DNAH11: variants seen among roughly 807,000 people sequenced by gnomAD.
DNAH11 encodes dynein axonemal heavy chain 11, also known as axonemal beta dynein heavy chain 11.
In DNAH11, 442 loss-of-function variants were observed where a neutral mutation model predicts 526.0. The ratio of observed to expected loss-of-function variants is 0.84; its 90% CI spans 0.78 to 0.91. DNAH11 has a LOEUF of 0.91. Ranked by LOEUF, DNAH11 falls within the 40% of genes least tolerant of loss-of-function variation. The pLI is 0.00. For missense variants in DNAH11, 6,989 were observed against 5,448.7 expected (o/e 1.28, Z -8.90); for synonymous variants, 2,461 against 1,935.9 (o/e 1.27, Z -7.12).
At chr7:21,673,416 G>A (rs1445369621) in intron 30 of DNAH11, among the ~76,000 whole-genome samples, 1 of 152,154 alleles carries the variant, frequency 6.6e-6, no homozygotes, top group Non-Finnish European at 1.5e-5. Flanking sequence ...CCCATACAAT[G>A]CCTGTCAGTC....
chr7:21,598,920 G>T (rs895821627), intron 14 of DNAH11, among the ~76,000 whole-genome samples: 3 of 144,612 alleles, frequency 2.1e-5, no homozygotes, highest in African/African-American at 7.3e-5. Context: ...ACATGATCTC[G>T]TTGTTTTTTA....
At chr7:21,593,808 C>T (rs1413106729) in intron 14 of DNAH11, among the ~76,000 whole-genome samples, 1 of 151,980 alleles carries the variant, frequency 6.6e-6, no homozygotes, top group Non-Finnish European at 1.5e-5. Flanking sequence ...TATGTGGAGT[C>T]TTCTCTATAG....
chr7:21,608,375 T>C (rs933020671), intron 20 of DNAH11, among the ~76,000 whole-genome samples: 3 of 152,226 alleles, frequency 2.0e-5, no homozygotes, highest in African/African-American at 7.2e-5. Context: ...GGGTGAAGTT[T>C]AGATTTAGGA....
chr7:21,705,168 G>C (rs1236005516), intron 38 of DNAH11, among the ~76,000 whole-genome samples: 1 of 152,202 alleles, frequency 6.6e-6, no homozygotes, highest in African/African-American at 2.4e-5. Context: ...GCTATGTACA[G>C]TGTTTGTTCA....
chr7:21,664,784 C>T (rs571662959), intron 30 of DNAH11, among the ~76,000 whole-genome samples: 49 of 152,174 alleles, frequency 3.2e-4, no homozygotes, highest in East Asian at 1.9e-4. Context: ...TTTGCAATTA[C>T]TCAGTTTAGG....
At chr7:21,734,811 TCAC>T (rs1785532523) in intron 45 of DNAH11, among the ~76,000 whole-genome samples, 1 of 151,592 alleles carries the variant, frequency 6.6e-6, no homozygotes, top group Non-Finnish European at 1.5e-5. Flanking sequence ...TTAGCCATCA[TCAC>T]GCCACTGCAC....
chr7:21,592,697 G>T (rs1203695393), intron 14 of DNAH11, among the ~76,000 whole-genome samples: 1 of 152,218 alleles, frequency 6.6e-6, no homozygotes, highest in Non-Finnish European at 1.5e-5. Context: ...GGGTCATAGT[G>T]CTAGTGATCA....
At chr7:21,688,284 TGCC>T (rs1783468010) in intron 34 of DNAH11, among the ~76,000 whole-genome samples, 1 of 152,194 alleles carries the variant, frequency 6.6e-6, no homozygotes, top group African/African-American at 2.4e-5. Context: ...GAAGAGTACC[TGCC>T]TTATAGACTA....
chr7:21,631,897 G>A (rs2128458254), intron 25 of DNAH11, among the ~76,000 whole-genome samples: 1 of 152,288 alleles, frequency 6.6e-6, no homozygotes, highest in Non-Finnish European at 1.5e-5. Flanking sequence ...TTTGTGTGGG[G>A]GCTCTGATCC....
intron 20 of DNAH11, 127 bp from the exon 21 acceptor site, chr7:21,614,987 T>C: frequency 8.8e-7 from 1 of 1,131,580 alleles, no homozygotes; most frequent in Non-Finnish European, 1.2e-6. Flanking sequence ...GTAATTACGC[T>C]GCAGATTTAT....
intron 69 of DNAH11, among the ~76,000 whole-genome samples, chr7:21,862,813 C>T (rs1783115481): frequency 6.6e-6 from 1 of 152,074 alleles, no homozygotes; most frequent in Non-Finnish European, 1.5e-5. Context: ...CACGGTGGCT[C>T]ACGCCTGTAA....
chr7:21,789,144 A>G (rs1788320967), intron 60 of DNAH11, 97 bp from the exon 61 acceptor site: 4 of 879,124 alleles, frequency 4.5e-6, no homozygotes, highest in Non-Finnish European at 7.2e-6. Flanking sequence ...AGAAGTTGCT[A>G]GATGAATTAG....
intron 14 of DNAH11, among the ~76,000 whole-genome samples, chr7:21,594,612 G>C (rs921432003): frequency 2.6e-5 from 4 of 152,146 alleles, no homozygotes; most frequent in African/African-American, 9.7e-5. Context: ...GGTGAAATTT[G>C]AACAAAGACT....
chr7:21,839,441 G>A (rs953603619), intron 65 of DNAH11, among the ~76,000 whole-genome samples: 1 of 151,960 alleles, frequency 6.6e-6, no homozygotes, highest in Non-Finnish European at 1.5e-5. Flanking sequence ...TGGGTGTGGT[G>A]GTGGGCGCCT....
At chr7:21,869,943 C>T (rs994742753) in intron 73 of DNAH11, among the ~76,000 whole-genome samples, 2 of 152,208 alleles carry the variant, frequency 1.3e-5, no homozygotes, top group Admixed American at 1.3e-4. Context: ...GTGCTGACTC[C>T]ATCCACAGCA....
At chr7:21,638,806 G>A in intron 27 of DNAH11, 133 bp from the exon 28 acceptor site, 1 of 1,055,852 alleles carries the variant, frequency 9.5e-7, no homozygotes, top group Non-Finnish European at 1.4e-6. Flanking sequence ...GTGTAAAAAA[G>A]AAGGAAGTAA....
rs994545301 is a variant in DNAH11 at position 21,898,850 on chromosome 7, G to A, written c.13050-486G>A. ...TTCAGGCAGCTACTGCACGTGCTTA[G>A]ACTGCCGTCACGTGCTCCACTGCCT... On this transcript the variant is annotated intron_variant, in intron 79 of 81. Coordinates refer to ENST00000409508, the MANE Select transcript of DNAH11 (RefSeq NM_001277115.2). 3.9e-5 allele frequency among the ~76,000 whole-genome samples: 6 copies of A among 152,138 alleles called. No homozygotes were observed. In the East Asian group the frequency reaches 1.2e-3, roughly 29 times the overall value.
At chr7:21,745,171 A>G in intron 51 of DNAH11, 108 bp downstream of exon 51, 1 of 1,124,218 alleles carries the variant, frequency 8.9e-7, no homozygotes, top group South Asian at 1.7e-5. Context: ...ATCAGTTCTT[A>G]TCTGCTGTTT....
At chr7:21,631,486 A>C (rs111416165) in intron 25 of DNAH11, among the ~76,000 whole-genome samples, 4,184 of 152,332 alleles carry the variant, frequency 0.027, 185 homozygotes, top group African/African-American at 0.095. Flanking sequence ...ATCAAAAGCA[A>C]GTTAGTTACT....
Sources: allele counts gnomAD v4.1 joint callset (sites outside exome capture counted in the v4.1 genomes callset), GRCh38; gene constraint gnomAD v4.1.1; transcripts MANE v1.5; gene names NCBI Gene and HGNC (gene_info 2026-07-23, HGNC 2026-07-21).